ROCK1: variants seen among roughly 807,000 people sequenced by gnomAD.
ROCK1 encodes Rho associated coiled-coil containing protein kinase 1, also known as rho-associated protein kinase 1.
ROCK1 carries 36 observed loss-of-function variants against 196.8 expected under a neutral mutation model. The ratio of observed to expected loss-of-function variants is 0.18; its 90% confidence interval spans 0.14 to 0.24. The LOEUF (loss-of-function observed/expected upper bound fraction) is 0.24, where lower values mean the gene tolerates loss of function less well. Ranked by LOEUF, ROCK1 falls within the 10% of genes least tolerant of loss-of-function variation. ROCK1 has a pLI of 1.00. For synonymous variants in ROCK1, 443 were observed against 515.9 expected, an observed-to-expected ratio of 0.86 and a Z score of 1.91; for missense variants, 920 against 1,562.0, an observed-to-expected ratio of 0.59 and a Z score of 6.93.
chr18:20,983,510 T>A (rs879339030), intron 20 of ROCK1, among the ~76,000 whole-genome samples: 2 of 152,010 alleles, frequency 1.3e-5, no homozygotes, highest in African/African-American at 2.4e-5. Context: ...ATTTACTGTA[T>A]AATATGAAAG....
At chr18:21,017,950 G>C (rs960550603) in intron 12 of ROCK1, among the ~76,000 whole-genome samples, 1 of 151,092 alleles carries the variant, frequency 6.6e-6, no homozygotes, top group African/African-American at 2.4e-5. Context: ...TCCAGCCTGG[G>C]TGACAGAGTG....
intron 5 of ROCK1, 31 bp from the exon 6 acceptor site, chr18:21,044,217 T>G (rs2036135779): frequency 6.6e-7 from 1 of 1,515,908 alleles, no homozygotes; most frequent in South Asian, 1.2e-5. Context: ...TACAGTATTT[T>G]CTGAAACAGA....
At chr18:21,068,588 TG>T (rs1431589192) in intron 2 of ROCK1, among the ~76,000 whole-genome samples, 1 of 152,214 alleles carries the variant, frequency 6.6e-6, no homozygotes, top group Non-Finnish European at 1.5e-5. Flanking sequence ...AATATTGAAT[TG>T]TACAATCCAT....
chr18:21,104,851 A>G (rs2036690270), intron 1 of ROCK1, among the ~76,000 whole-genome samples: 1 of 152,214 alleles, frequency 6.6e-6, no homozygotes, highest in Non-Finnish European at 1.5e-5. Flanking sequence ...ACAAATAAAC[A>G]GTCTCTAAAA....
intron 4 of ROCK1, among the ~76,000 whole-genome samples, chr18:21,048,204 C>T (rs1434152816): frequency 2.6e-5 from 4 of 152,156 alleles, no homozygotes; most frequent in African/African-American, 7.2e-5. Flanking sequence ...CAGAGAAAGG[C>T]CTATGGCAAT....
chr18:20,959,048 A>T (rs866584130), intron 29 of ROCK1, among the ~76,000 whole-genome samples: 1,470 of 48,712 alleles, frequency 0.03, 116 homozygotes, highest in African/African-American at 0.1. Flanking sequence ...ATAATATATA[A>T]TATATATATT....
At chr18:21,100,592 A>G (rs1378384681) in intron 1 of ROCK1, among the ~76,000 whole-genome samples, 1 of 152,136 alleles carries the variant, frequency 6.6e-6, no homozygotes, top group Non-Finnish European at 1.5e-5. Context: ...AATTTAAAAA[A>G]AAAAAAAAGA....
At chr18:21,019,151 C>T (rs2035890388) in intron 12 of ROCK1, among the ~76,000 whole-genome samples, 1 of 151,868 alleles carries the variant, frequency 6.6e-6, no homozygotes, top group Admixed American at 6.6e-5. Context: ...ACTAATTTCC[C>T]CTTTATTTAT....
At chr18:21,052,702 G>A (rs527567294) in intron 2 of ROCK1, among the ~76,000 whole-genome samples, 11 of 152,162 alleles carry the variant, frequency 7.2e-5, no homozygotes, top group African/African-American at 1.7e-4. Flanking sequence ...CTGCACATGC[G>A]AGGGATCCAG....
chr18:21,077,483 A>G lies in ROCK1; in HGVS notation c.94-6870T>C, dbSNP rs1285014772. Among the ~76,000 whole-genome samples the G allele has an allele frequency of 5.3e-5, 8 of 152,324 alleles. No homozygotes were observed. In the East Asian group the frequency reaches 1.5e-3, roughly 29 times the overall value. On this transcript the variant is annotated intron_variant, in intron 1 of 32. Coordinates refer to ENST00000399799, the MANE Select transcript of ROCK1 (RefSeq NM_005406.3). ...GGAAAAGCAGCTGGTGCTGCTCATA[A>G]AGGCTACAAGGAAGCTAACTACAAA...
intron 29 of ROCK1, among the ~76,000 whole-genome samples, chr18:20,957,212 A>G (rs1226076004): frequency 6.6e-6 from 1 of 152,270 alleles, no homozygotes; most frequent in African/African-American, 2.4e-5. Flanking sequence ...GAATGCTCAT[A>G]AGTCTTATTT....
chr18:20,988,870 C>CA (rs911706599), intron 18 of ROCK1, among the ~76,000 whole-genome samples: 4 of 151,856 alleles, frequency 2.6e-5, no homozygotes, highest in African/African-American at 7.3e-5. Context: ...GGCTTCCTGT[C>CA]AGTTTTATTC....
At chr18:21,036,280 A>G (rs896587183) in intron 9 of ROCK1, among the ~76,000 whole-genome samples, 4 of 152,160 alleles carry the variant, frequency 2.6e-5, no homozygotes, top group African/African-American at 9.7e-5. Flanking sequence ...AATAATATAT[A>G]TGTGTGTACA....
At chr18:21,056,979 C>G (rs1156652369) in intron 2 of ROCK1, among the ~76,000 whole-genome samples, 1 of 152,202 alleles carries the variant, frequency 6.6e-6, no homozygotes, top group Non-Finnish European at 1.5e-5. Flanking sequence ...CAAGGCCTAC[C>G]CTGGCCACCT....
chr18:21,029,080 A>T, intron 9 of ROCK1, 145 bp from the exon 10 acceptor site: 1 of 678,502 alleles, frequency 1.5e-6, no homozygotes. Context: ...TATTACATCA[A>T]GCTTTACCAG....
Position 21,049,739 on chromosome 18 carries a change from A to G in ROCK1, c.276+41T>C, listed in dbSNP as rs2036189321. 4 of 1,169,032 alleles carry G rather than the reference A, an allele frequency of 3.4e-6. No homozygotes were observed. In the South Asian group the frequency reaches 5.3e-5, roughly 15 times the overall value. The allele number at this position is 1,169,032 out of a possible 1,614,324, so 72.4% of individuals were successfully genotyped here. A position where few individuals can be genotyped will look rare whatever the true frequency, so the allele number is the denominator to read the frequency against. ...TTAAACACACAAGTGGATTATTTTAATTTAATAAAGTCCTTTTGTATTCTC... is the reference window on the plus strand; with the variant it reads ...TTAAACACACAAGTGGATTATTTTAGTTTAATAAAGTCCTTTTGTATTCTC... On this transcript the variant is annotated intron_variant, in intron 3 of 32. Transcript: ENST00000399799.
chr18:20,957,599 G>A (rs1333279694), intron 29 of ROCK1, among the ~76,000 whole-genome samples: 1 of 152,050 alleles, frequency 6.6e-6, no homozygotes, highest in Admixed American at 6.6e-5. Flanking sequence ...TCCTGCCTCA[G>A]CCTCCCGAGT....
chr18:21,045,996 C>T (rs1255933011), intron 4 of ROCK1, among the ~76,000 whole-genome samples: 3 of 148,620 alleles, frequency 2.0e-5, no homozygotes, highest in Non-Finnish European at 4.4e-5. Context: ...CTGCAAGCTC[C>T]GCCTCCCAGG....
chr18:21,095,972 T>A (rs1274246059), intron 1 of ROCK1, among the ~76,000 whole-genome samples: 3 of 151,790 alleles, frequency 2.0e-5, no homozygotes, highest in Non-Finnish European at 4.4e-5. Flanking sequence ...ACCTACTATG[T>A]ATCCACAAAA....
Sources: gnomAD v4.1 joint callset for allele counts (sites outside exome capture counted in the v4.1 genomes callset) on GRCh38, gnomAD v4.1.1 for gene constraint, MANE v1.5 for transcripts, NCBI Gene and HGNC (gene_info 2026-07-23, HGNC 2026-07-21) for gene names.